AIM2: variants seen among roughly 807,000 people sequenced by gnomAD.
The protein encoded by AIM2 is interferon-inducible protein AIM2.
A neutral mutation model predicts 27.7 loss-of-function variants in AIM2; 30 were observed. The observed-to-expected ratio is 1.08, with a 90% confidence interval of 0.81 to 1.47. The LOEUF is 1.47. Among genes scored for constraint, AIM2 ranks in the 40% most tolerant of loss-of-function variants. The pLI is 0.00. For missense variants in AIM2, 358 were observed against 411.3 expected, an observed-to-expected ratio of 0.87 and a Z score of 1.12; for synonymous variants, 141 against 145.3, an observed-to-expected ratio of 0.97 and a Z score of 0.21.
upstream of AIM2, chr1:159,076,849 A>G (rs578104111): frequency 1.3e-5 from 2 of 152,330 alleles, no homozygotes; most frequent in South Asian, 4.1e-4. Context: ...TGGAGCTCTA[A>G]TTGGCTGAGC....
intron 1 of AIM2, among the ~76,000 whole-genome samples, chr1:159,125,431 A>G (rs761209149): frequency 1.3e-5 from 2 of 152,202 alleles, no homozygotes; most frequent in Non-Finnish European, 2.9e-5. Context: ...TTAAATAAAC[A>G]TTTATTGAGC....
chr1:159,107,760 A>C (rs1251049705), intron 1 of AIM2, among the ~76,000 whole-genome samples: 1 of 152,178 alleles, frequency 6.6e-6, no homozygotes. Flanking sequence ...AGAACATTCA[A>C]GGCTACTATG....
intron 1 of AIM2, among the ~76,000 whole-genome samples, chr1:159,112,109 G>A (rs1570971071): frequency 6.6e-6 from 1 of 152,080 alleles, no homozygotes. Context: ...ACCCTGATAC[G>A]TATAAATTAA....
Position 159,066,155 on chromosome 1 carries a change from T to A in AIM2, c.571A>T (p.Lys191Ter). The A allele has an allele frequency of 3.1e-6, 5 of 1,614,232 alleles. No individual in the cohort carries two copies. Among genetic ancestry groups the A allele is most frequent in the Non-Finnish European group, 4.2e-6 (5 of 1,180,038 alleles). The change falls in exon 4 of 6, where the codon AAA (lysine) becomes TAA (stop). Residue 191 changes from lysine to a stop codon, truncating the protein, a stop_gained. Transcript: ENST00000368130. LOFTEE classifies it high-confidence loss of function. The stretch of plus-strand genomic sequence containing the variant: ...TCTTTCAGCAGTGTATTAAAAACTT[T>A]TACAAAGAAGAATTCCTTTTCTGTA... ...VATEKEFFFV[K>*]VFNTLLKDKF...
At chr1:159,069,993 C>T (rs2101978600) in intron 2 of AIM2, among the ~76,000 whole-genome samples, 1 of 152,316 alleles carries the variant, frequency 6.6e-6, no homozygotes, top group East Asian at 1.9e-4. Context: ...GGGATTTTCA[C>T]ACAGTGTTCC....
chr1:159,064,096 G>A (rs1490303422), intron 4 of AIM2, among the ~76,000 whole-genome samples: 3 of 152,110 alleles, frequency 2.0e-5, no homozygotes, highest in Non-Finnish European at 4.4e-5. Flanking sequence ...ATCAAGAGTA[G>A]GCTATTAAGC....
chr1:159,061,851 T>C (rs534705330), downstream of AIM2, among the ~76,000 whole-genome samples: 107 of 152,328 alleles, frequency 7.0e-4, no homozygotes, highest in South Asian at 0.011. Flanking sequence ...TTATGTTATG[T>C]AGATTGTGCT....
upstream of AIM2, among the ~76,000 whole-genome samples, chr1:159,078,274 G>A (rs1158214602): frequency 1.3e-5 from 2 of 152,216 alleles, no homozygotes; most frequent in African/African-American, 4.8e-5. Context: ...GCACATGAGG[G>A]AAGAGATTTC....
upstream of AIM2, among the ~76,000 whole-genome samples, chr1:159,141,098 A>G (rs3026924): frequency 0.024 from 3,656 of 152,240 alleles, 140 homozygotes; most frequent in African/African-American, 0.084. Context: ...CTCAGGAATG[A>G]AAAAGTGTAG....
chr1:159,129,404 G>T (rs1055527892), intron 1 of AIM2, among the ~76,000 whole-genome samples: 1 of 152,160 alleles, frequency 6.6e-6, no homozygotes, highest in Non-Finnish European at 1.5e-5. Flanking sequence ...ATTTGTACCT[G>T]CTCTATCCAC....
At chr1:159,079,739 G>A (rs867853001), upstream of AIM2, among the ~76,000 whole-genome samples, 2 of 152,120 alleles carry the variant, frequency 1.3e-5, no homozygotes, top group African/African-American at 4.8e-5. Flanking sequence ...TACACTTGGT[G>A]TTGTACATTC....
At chr1:159,056,914 G>A in the AIM2 span, among the ~76,000 whole-genome samples, 1 of 151,950 alleles carries the variant, frequency 6.6e-6, no homozygotes, top group Non-Finnish European at 1.5e-5. Context: ...GAGAACTGAG[G>A]GGGGAGAAAG....
chr1:159,124,778 C>A (rs1296784691), intron 1 of AIM2, among the ~76,000 whole-genome samples: 1 of 152,178 alleles, frequency 6.6e-6, no homozygotes, highest in East Asian at 1.9e-4. Context: ...ACCTCTCTCC[C>A]CAGCTCAGTA....
At chr1:159,056,621 CAT>C in the AIM2 span, among the ~76,000 whole-genome samples, 5 of 133,868 alleles carry the variant, frequency 3.7e-5, no homozygotes, top group East Asian at 2.4e-4. Context: ...TATTAGAAAA[CAT>C]GTATCTAAAC....
intron 1 of AIM2, among the ~76,000 whole-genome samples, chr1:159,129,279 C>T (rs978236874): frequency 2.0e-5 from 3 of 152,272 alleles, no homozygotes; most frequent in East Asian, 1.9e-4. Flanking sequence ...TTTTGGACTT[C>T]TGGGTTCCAA....
intron 1 of AIM2, among the ~76,000 whole-genome samples, chr1:159,088,136 A>G (rs1362348779): frequency 6.6e-6 from 1 of 152,204 alleles, no homozygotes; most frequent in African/African-American, 2.4e-5. Context: ...TAGATGAGGC[A>G]CAGGATGCTT....
chr1:159,102,893 C>T (rs976592986), intron 1 of AIM2, among the ~76,000 whole-genome samples: 7 of 152,158 alleles, frequency 4.6e-5, no homozygotes, highest in Non-Finnish European at 1.0e-4. Flanking sequence ...TGGACTTGGA[C>T]TTTTGGGTTA....
intron 1 of AIM2, among the ~76,000 whole-genome samples, chr1:159,113,762 A>G (rs531671848): frequency 1.9e-4 from 29 of 152,322 alleles, no homozygotes; most frequent in African/African-American, 6.5e-4. Flanking sequence ...TCAGAGCTTC[A>G]GGGATGACCA....
At position 159,123,920 on chromosome 1, in the gene AIM2, A is replaced by G. The variant is rs1043597842; in HGVS notation, c.-16+16511T>C. ...CCCATACAAATTCACTCTATTACAC[A>G]GCAGGGCTGGGGTATATTTGCCACT... On this transcript the variant is annotated intron_variant, in intron 1 of 2. Coordinates refer to the AIM2 transcript ENST00000368129. 7.7e-4 allele frequency among the ~76,000 whole-genome samples: 117 copies of G among 152,358 alleles called. 1 individual carries two copies. Among genetic ancestry groups the G allele is most frequent in the African/African-American group, 2.6e-3 (109 of 41,582 alleles).
Sources: gnomAD v4.1 joint callset for allele counts (sites outside exome capture counted in the v4.1 genomes callset) on GRCh38, gnomAD v4.1.1 for gene constraint, MANE v1.5 for transcripts, NCBI Gene and HGNC (gene_info 2026-07-23, HGNC 2026-07-21) for gene names.